COL10A1: variants seen among roughly 807,000 people sequenced by gnomAD.
COL10A1 encodes collagen alpha-1(X) chain.
In COL10A1, 10 loss-of-function variants were observed where a neutral mutation model predicts 18.2. That is an observed-to-expected ratio of 0.55 (90% CI 0.34 to 0.93). The LOEUF (loss-of-function observed/expected upper bound fraction) is 0.93, where lower values mean the gene tolerates loss of function less well. Ranked by LOEUF, COL10A1 falls within the 40% of genes least tolerant of loss-of-function variation. The pLI is 0.02. For synonymous variants in COL10A1, 330 were observed against 316.6 expected (o/e 1.04, Z -0.45); for missense variants, 897 against 853.5 (o/e 1.05, Z -0.64).
At chr6:116,126,410 C>T (rs1013839669), upstream of COL10A1, among the ~76,000 whole-genome samples, 2 of 152,052 alleles carry the variant, frequency 1.3e-5, no homozygotes, top group African/African-American at 4.8e-5. Flanking sequence ...CAGGCTGGTT[C>T]ACGGTGGAAT....
chr6:116,158,862 C>A (rs1459972051), upstream of COL10A1: 4 of 152,266 alleles, frequency 2.6e-5, no homozygotes, highest in East Asian at 5.8e-4. Context: ...TGATTCATTT[C>A]CAGGAGAGAA....
chr6:116,204,790 A>G, the COL10A1 span, among the ~76,000 whole-genome samples: 1 of 151,972 alleles, frequency 6.6e-6, no homozygotes, highest in Non-Finnish European at 1.5e-5. Flanking sequence ...GAGAGAAAAA[A>G]CTTTGTCCAT....
At chr6:116,164,342 C>G in the COL10A1 span, among the ~76,000 whole-genome samples, 1 of 152,052 alleles carries the variant, frequency 6.6e-6, no homozygotes, top group Non-Finnish European at 1.5e-5. Context: ...GTATCATACC[C>G]TTCTTTGTCT....
the COL10A1 span, among the ~76,000 whole-genome samples, chr6:116,169,574 C>T: frequency 6.6e-6 from 1 of 152,214 alleles, no homozygotes; most frequent in Non-Finnish European, 1.5e-5. Flanking sequence ...TACTGATCAA[C>T]TATATGCAGC....
rs1157941508 is a variant in COL10A1 at position 116,121,056 on chromosome 6, T to C, written c.1060A>G (p.Ser354Gly). The change falls in exon 3 of 3, where the codon AGC becomes GGC. Residue 354 changes from serine to glycine, a missense_variant. Physicochemically the swap from Ser to Gly is moderately conservative, Grantham distance 56. Coordinates refer to ENST00000651968, the MANE Select transcript of COL10A1 (RefSeq NM_000493.4). ...GPQGPKGIPG[S>G]HGLPGPKGET... Reference sequence around the variant, plus strand: ...CCTTTAGGGCCTGGGAGACCATGGCTACCCGGGATGCCTTTTGGTCCTTGG... The same window carrying C: ...CCTTTAGGGCCTGGGAGACCATGGCCACCCGGGATGCCTTTTGGTCCTTGG... 3 of 1,614,040 alleles carry C rather than the reference T, an allele frequency of 1.9e-6. No individual in the cohort carries two copies. In the East Asian group the frequency reaches 6.7e-5, roughly 36 times the overall value.
At chr6:116,177,370 T>C in the COL10A1 span, among the ~76,000 whole-genome samples, 116 of 152,260 alleles carry the variant, frequency 7.6e-4, no homozygotes, top group African/African-American at 2.6e-3. Context: ...CACTATAAAA[T>C]CTAGACTTTA....
chr6:116,212,335 T>C, the COL10A1 span, among the ~76,000 whole-genome samples: 2 of 152,106 alleles, frequency 1.3e-5, no homozygotes, highest in African/African-American at 4.8e-5. Context: ...TTAAAATAGC[T>C]GCTTAACTAC....
the COL10A1 span, among the ~76,000 whole-genome samples, chr6:116,190,506 A>G: frequency 6.6e-6 from 1 of 152,020 alleles, no homozygotes; most frequent in Non-Finnish European, 1.5e-5. Flanking sequence ...GGAGAAAACA[A>G]AACAAGCATC....
the COL10A1 span, among the ~76,000 whole-genome samples, chr6:116,196,128 T>C: frequency 8.5e-4 from 130 of 152,128 alleles, no homozygotes; most frequent in African/African-American, 2.9e-3. Flanking sequence ...AAGAGTGAGA[T>C]TGTATCTCAA....
At chr6:116,159,094 A>T (rs2114421126), upstream of COL10A1, among the ~76,000 whole-genome samples, 1 of 152,290 alleles carries the variant, frequency 6.6e-6, no homozygotes, top group East Asian at 1.9e-4. Flanking sequence ...CTACTTACTA[A>T]CTAGCAATGT....
At chr6:116,214,941 G>T in the COL10A1 span, among the ~76,000 whole-genome samples, 2 of 152,110 alleles carry the variant, frequency 1.3e-5, no homozygotes, top group African/African-American at 4.8e-5. Context: ...TGATTGGCCA[G>T]TGTGTATCTC....
the COL10A1 span, among the ~76,000 whole-genome samples, chr6:116,172,035 G>A: frequency 6.6e-6 from 1 of 152,160 alleles, no homozygotes; most frequent in Non-Finnish European, 1.5e-5. Context: ...GAGGAAGGTA[G>A]AGAAAACACT....
At chr6:116,145,482 T>A (rs1237583475) in intron 1 of COL10A1, 1 of 374,226 alleles carries the variant, frequency 2.7e-6, no homozygotes, top group Admixed American at 2.4e-5. Flanking sequence ...ATCTACAAGT[T>A]TCATACTTAT....
chr6:116,189,436 T>G, the COL10A1 span, among the ~76,000 whole-genome samples: 1 of 151,940 alleles, frequency 6.6e-6, no homozygotes, highest in African/African-American at 2.4e-5. Context: ...TAGCTTGGGA[T>G]ACTTATTCTT....
intron 1 of COL10A1, among the ~76,000 whole-genome samples, chr6:116,139,723 A>G (rs1325616318): frequency 6.6e-6 from 1 of 152,070 alleles, no homozygotes; most frequent in Non-Finnish European, 1.5e-5. Flanking sequence ...CTTTCTTGTC[A>G]TGGGAGTAAG....
At chr6:116,203,987 A>G in the COL10A1 span, among the ~76,000 whole-genome samples, 5 of 151,886 alleles carry the variant, frequency 3.3e-5, no homozygotes, top group South Asian at 2.1e-4. Context: ...GGTGATCATC[A>G]AATATACCTA....
At chr6:116,215,536 C>T in the COL10A1 span, among the ~76,000 whole-genome samples, 1 of 152,134 alleles carries the variant, frequency 6.6e-6, no homozygotes, top group African/African-American at 2.4e-5. Context: ...ATTCTGTCAT[C>T]AGATCCATCT....
intron 1 of COL10A1, among the ~76,000 whole-genome samples, chr6:116,154,501 C>T (rs1008722988): frequency 2.0e-5 from 3 of 151,898 alleles, no homozygotes; most frequent in African/African-American, 7.3e-5. Context: ...TTATGTTAAC[C>T]TTAATTTAAG....
chr6:116,195,212 C>T, the COL10A1 span, among the ~76,000 whole-genome samples: 1 of 151,998 alleles, frequency 6.6e-6, no homozygotes, highest in South Asian at 2.1e-4. Context: ...ATAATATAGG[C>T]ATATGATAGT....
Sources: gnomAD v4.1 joint callset for allele counts (sites outside exome capture counted in the v4.1 genomes callset) on GRCh38, gnomAD v4.1.1 for gene constraint, MANE v1.5 for transcripts, NCBI Gene and HGNC (gene_info 2026-07-23, HGNC 2026-07-21) for gene names.